The following LIX1 variants were observed in gnomAD, a reference collection of about 807,000 sequenced individuals.
LIX1 encodes limb and CNS expressed 1, also known as protein limb expression 1 homolog.
A neutral mutation model predicts 33.4 loss-of-function variants in LIX1; 24 were observed. The ratio of observed to expected loss-of-function variants is 0.72; its 90% CI spans 0.52 to 1.01. LIX1 has a LOEUF of 1.01. Ranked by LOEUF, LIX1 falls within the 50% of genes least tolerant of loss-of-function variation. The pLI, the probability that LIX1 is intolerant of heterozygous loss-of-function variation, is 0.00. For synonymous variants in LIX1, 124 were observed against 124.0 expected, an observed-to-expected ratio of 1.00 and a Z score of 0.00; for missense variants, 311 against 339.2, an observed-to-expected ratio of 0.92 and a Z score of 0.65.
chr5:97,097,417 C>G (rs1746443312), intron 4 of LIX1, among the ~76,000 whole-genome samples: 2 of 152,072 alleles, frequency 1.3e-5, no homozygotes, highest in South Asian at 4.1e-4. Flanking sequence ...AAACAAGGTA[C>G]ACAACAGTGT....
intron 1 of LIX1, among the ~76,000 whole-genome samples, chr5:97,134,922 G>A (rs1037795860): frequency 6.6e-6 from 1 of 152,212 alleles, no homozygotes. Context: ...ACAGCTTGGA[G>A]TCTTGCTTTG....
At chr5:97,137,459 T>C (rs1748195282) in intron 1 of LIX1, among the ~76,000 whole-genome samples, 1 of 151,870 alleles carries the variant, frequency 6.6e-6, no homozygotes, top group Non-Finnish European at 1.5e-5. Context: ...GTCAAATGTA[T>C]ATTTACTGAA....
intron 1 of LIX1, 64 bp downstream of exon 1, chr5:97,142,431 T>G (rs1008148098): frequency 1.8e-6 from 2 of 1,092,850 alleles, no homozygotes; most frequent in Non-Finnish European, 2.8e-6. Flanking sequence ...TTAAATAGGA[T>G]GTGACTTGAC....
At chr5:97,140,240 TTGTG>T (rs1390241796) in intron 1 of LIX1, among the ~76,000 whole-genome samples, 1 of 151,982 alleles carries the variant, frequency 6.6e-6, no homozygotes, top group African/African-American at 2.4e-5. Context: ...GTGTGTGTGT[TTGTG>T]TGTTTGTGTG....
intron 2 of LIX1, among the ~76,000 whole-genome samples, chr5:97,112,395 C>T (rs1470990611): frequency 3.9e-5 from 6 of 152,170 alleles, no homozygotes; most frequent in African/African-American, 9.7e-5. Flanking sequence ...TCAAAGACAT[C>T]GGTTGGGGAG....
intron 2 of LIX1, among the ~76,000 whole-genome samples, chr5:97,109,602 G>A (rs1004921322): frequency 4.0e-5 from 6 of 151,790 alleles, no homozygotes; most frequent in Admixed American, 3.9e-4. Context: ...TAGTTTTTGG[G>A]ATACAGGTGC....
intron 5 of LIX1, 24 bp from the exon 6 acceptor site, chr5:97,095,059 A>G: frequency 6.2e-7 from 1 of 1,605,650 alleles, no homozygotes; most frequent in Non-Finnish European, 8.5e-7. Context: ...AACAAAGTCC[A>G]GGGTGTCAAT....
chr5:97,124,610 T>C lies in LIX1; in HGVS notation c.102A>G (p.Leu34=). ...GCTGCTTGCTTTCCCAAAATTCCTG[T>C]AACATTGACACAACGTTCACTGAAA... ...VFKDLNVVSM[L]QEFWESKQQQ... The change falls in exon 2 of 6, where the codon TTA becomes TTG. Residue 34 remains leucine, a synonymous_variant. Transcript: ENST00000274382. 1 of 1,611,072 alleles carries C rather than the reference T, an allele frequency of 6.2e-7. No homozygotes were observed. Among genetic ancestry groups the C allele is most frequent in the African/African-American group, 1.3e-5 (1 of 74,940 alleles).
intron 1 of LIX1, among the ~76,000 whole-genome samples, chr5:97,127,508 T>C (rs562971303): frequency 1.3e-5 from 2 of 152,134 alleles, no homozygotes; most frequent in Non-Finnish European, 2.9e-5. Context: ...TCTCTATCTA[T>C]TCTTGTCGAC....
intron 1 of LIX1, among the ~76,000 whole-genome samples, chr5:97,131,877 G>A (rs1748063745): frequency 6.6e-6 from 1 of 152,204 alleles, no homozygotes; most frequent in Non-Finnish European, 1.5e-5. Context: ...GGGTGTATTG[G>A]TGGCAACCAT....
At chr5:97,142,249 T>G (rs904323003) in intron 1 of LIX1, among the ~76,000 whole-genome samples, 9 of 152,196 alleles carry the variant, frequency 5.9e-5, no homozygotes, top group Non-Finnish European at 1.2e-4. Context: ...AGGCAGGTCT[T>G]GGATTGTAGA....
At chr5:97,112,948 C>T (rs952291172) in intron 2 of LIX1, among the ~76,000 whole-genome samples, 3 of 152,166 alleles carry the variant, frequency 2.0e-5, no homozygotes, top group African/African-American at 7.2e-5. Context: ...CACCAGAGTT[C>T]GTTTGTGTAA....
In LIX1 at chr5:97,096,819, A is replaced by G. The variant is rs1164270396; in HGVS notation, c.552T>C (p.Cys184=). 6.2e-7 allele frequency: 1 copy of G among 1,612,898 alleles called. No individual in the cohort carries two copies. Among genetic ancestry groups the G allele is most frequent in the East Asian group, 2.2e-5 (1 of 44,892 alleles). ...GATTAGAAAATCTTACCTGTCGGGA[A>G]CACTTTGTTTCACGAAGGGCTTTTA... ...GSLKALRETK[C]SRQEVISYYS... is the part of the protein sequence containing the mutation. The change falls in exon 5 of 6, where the codon TGT becomes TGC. Residue 184 remains cysteine (C), a synonymous_variant. Coordinates refer to ENST00000274382, the MANE Select transcript of LIX1 (RefSeq NM_153234.5).
Position 97,094,988 on chromosome 5 carries a change from G to C in LIX1, c.609C>G (p.Arg203=). The change falls in exon 6 of 6, where the codon CGC becomes CGG. Residue 203 remains arginine (R), a synonymous_variant. Transcript: ENST00000274382. Reference sequence around the variant, plus strand: ...TGATCCAGTCCAGGGCCATGTGGCTGCGCATCTTTTCATCTAGAGAATACT... The same window carrying C: ...TGATCCAGTCCAGGGCCATGTGGCTCCGCATCTTTTCATCTAGAGAATACT... The part of the protein sequence containing the change: ...YSQYSLDEKM[R]SHMALDWIMK... 6.2e-7 allele frequency: 1 copy of C among 1,614,140 alleles called. No homozygotes were observed. Among genetic ancestry groups the C allele is most frequent in the African/African-American group, 1.3e-5 (1 of 75,036 alleles).
At chr5:97,136,836 G>A (rs1363912150) in intron 1 of LIX1, among the ~76,000 whole-genome samples, 1 of 151,606 alleles carries the variant, frequency 6.6e-6, no homozygotes, top group Non-Finnish European at 1.5e-5. Context: ...TGTCTATTTT[G>A]TCAATCTTTC....
Position 97,124,590 on chromosome 5 carries a change from T to C in LIX1, c.122A>G (p.Lys41Arg). ...VSMLQEFWESKQQQKAAFPSE... is the reference protein window; with the variant it reads ...VSMLQEFWESRQQQKAAFPSE... ...TGGGAATGCAGCCTTCTGCTGCTGC[T>C]TGCTTTCCCAAAATTCCTGTAACAT... Residue 41 changes from lysine to arginine, a missense_variant, in exon 2 of 6, where the codon AAG (lysine) becomes AGG (arginine). Physicochemically the swap from Lys to Arg is conservative, Grantham distance 26. Transcript: ENST00000274382. 1 of 1,610,534 alleles carries C rather than the reference T, an allele frequency of 6.2e-7. No individual in the cohort carries two copies. The highest frequency in any genetic ancestry group is 1.1e-5 in the South Asian group (1 of 90,484).
chr5:97,093,936 T>C lies in LIX1; in HGVS notation c.*812A>G, dbSNP rs750132819. On this transcript the variant is annotated 3_prime_UTR_variant, in exon 6 of 6. Transcript: ENST00000274382. ...ATTAATTTTTCTCTCTGTAGATATA[T>C]GTTTGCAGTGGCAAAAAATAAGAAC... The C allele has an allele frequency of 1.3e-5, 2 of 152,394 alleles. No individual in the cohort carries two copies. Among genetic ancestry groups the C allele is most frequent in the East Asian group, 1.9e-4 (1 of 5,346 alleles). 9.4% of individuals were successfully genotyped at this position (152,394 alleles called of 1,614,324 possible).
At chr5:97,108,923 C>G (rs966453712) in intron 2 of LIX1, among the ~76,000 whole-genome samples, 1 of 152,144 alleles carries the variant, frequency 6.6e-6, no homozygotes, top group Non-Finnish European at 1.5e-5. Context: ...TTTCACAGAG[C>G]AAGGGTTCTG....
chr5:97,130,182 A>C (rs982774838), intron 1 of LIX1, among the ~76,000 whole-genome samples: 1 of 152,192 alleles, frequency 6.6e-6, no homozygotes, highest in Non-Finnish European at 1.5e-5. Context: ...GAGGGACCTC[A>C]AGAGAAATAA....
Sources: allele counts gnomAD v4.1 joint callset (sites outside exome capture counted in the v4.1 genomes callset), GRCh38; gene constraint gnomAD v4.1.1; transcripts MANE v1.5; gene names NCBI Gene and HGNC (gene_info 2026-07-23, HGNC 2026-07-21).